OPHN1: variants seen among roughly 807,000 people sequenced by gnomAD.
OPHN1 encodes oligophrenin 1, also known as oligophrenin-1.
Under a neutral mutation model 60.7 loss-of-function variants are expected in OPHN1, and 11 were observed. The observed-to-expected ratio is 0.18, with a 90% CI of 0.11 to 0.30. OPHN1 has a LOEUF of 0.30. Among genes scored for constraint, OPHN1 ranks in the 10% least tolerant of loss-of-function variants. The pLI is 1.00. For synonymous variants in OPHN1, 226 were observed against 222.6 expected, an observed-to-expected ratio of 1.02 and a Z score of -0.14; for missense variants, 449 against 611.0, an observed-to-expected ratio of 0.73 and a Z score of 2.80.
At chrX:68,084,503 T>C (rs1453501051) in intron 19 of OPHN1, among the ~76,000 whole-genome samples, 2 of 110,203 alleles carry the variant, frequency 1.8e-5, no homozygotes, top group East Asian at 5.8e-4. Context: ...AGCAGTTACA[T>C]GCTATGCAAA....
intron 2 of OPHN1, among the ~76,000 whole-genome samples, chrX:68,380,496 T>G (rs1324546428): frequency 5.4e-5 from 6 of 111,417 alleles, no homozygotes; most frequent in Non-Finnish European, 1.1e-4. Context: ...TGCTCTTGCT[T>G]TTCTAGTTCT....
intron 2 of OPHN1, among the ~76,000 whole-genome samples, chrX:68,413,144 T>C (rs958987918): frequency 9.0e-6 from 1 of 111,551 alleles, no homozygotes; most frequent in Non-Finnish European, 1.9e-5. Flanking sequence ...TCAGGCCCAG[T>C]ATGCAATAGA....
At chrX:68,174,533 G>A (rs1456543765) in intron 15 of OPHN1, among the ~76,000 whole-genome samples, 13 of 94,380 alleles carry the variant, frequency 1.4e-4, no homozygotes, top group Non-Finnish European at 2.0e-5. Flanking sequence ...GTGCAGTGGT[G>A]CAATCGCAGC....
chrX:68,042,576 T>G lies in OPHN1; in HGVS notation c.*4596A>C, dbSNP rs1267130948. 1 of 108,593 alleles carries G rather than the reference T, an allele frequency of 9.2e-6. No individual in the cohort carries two copies. Among genetic ancestry groups the G allele is most frequent in the Non-Finnish European group, 1.9e-5 (1 of 52,291 alleles). 8.9% of individuals were successfully genotyped at this position (108,593 alleles called of 1,213,427 possible). On this transcript the variant is annotated 3_prime_UTR_variant, in exon 25 of 25. Coordinates refer to ENST00000355520, the MANE Select transcript of OPHN1 (RefSeq NM_002547.3). Reference sequence around the variant, plus strand: ...CTTCGCGAAGGACATGAACAGACACTTCTCAAAAGAAGACATTTATGCAGC... The same window carrying G: ...CTTCGCGAAGGACATGAACAGACACGTCTCAAAAGAAGACATTTATGCAGC...
At chrX:68,100,191 T>C (rs191748649) in intron 18 of OPHN1, among the ~76,000 whole-genome samples, 46 of 111,089 alleles carry the variant, frequency 4.1e-4, no homozygotes, top group African/African-American at 1.5e-3. Context: ...ACACACTGTG[T>C]GTCCCCTGTT....
chrX:68,342,169 G>A, intron 2 of OPHN1, among the ~76,000 whole-genome samples: 1 of 109,238 alleles, frequency 9.2e-6, no homozygotes, highest in Non-Finnish European at 1.9e-5. Flanking sequence ...AGGGGTTTCA[G>A]CATGTTACCC....
intron 2 of OPHN1, among the ~76,000 whole-genome samples, chrX:68,379,130 C>T (rs915204253): frequency 9.0e-6 from 1 of 110,869 alleles, no homozygotes; most frequent in Non-Finnish European, 1.9e-5. Flanking sequence ...TTGTAGTTCT[C>T]CTTGAAGAGG....
At chrX:68,189,242 CACA>C (rs1417328633) in intron 15 of OPHN1, among the ~76,000 whole-genome samples, 3 of 111,854 alleles carry the variant, frequency 2.7e-5, no homozygotes, top group African/African-American at 9.8e-5. Flanking sequence ...GTCTCTGGAG[CACA>C]ACATGATTAT....
intron 15 of OPHN1, among the ~76,000 whole-genome samples, chrX:68,123,953 A>AT (rs2077159644): frequency 4.5e-4 from 1 of 2,202 alleles, no homozygotes; most frequent in Non-Finnish European, 6.0e-3. Flanking sequence ...AGCTGAATGG[A>AT]TAAAAAAAAA....
At chrX:68,397,108 T>C (rs760094721) in intron 2 of OPHN1, among the ~76,000 whole-genome samples, 1 of 112,329 alleles carries the variant, frequency 8.9e-6, no homozygotes, top group African/African-American at 3.2e-5. Context: ...TGGAACACCC[T>C]CCACCCTCCA....
chrX:68,191,079 T>A (rs2077486019), intron 15 of OPHN1, among the ~76,000 whole-genome samples: 2 of 111,794 alleles, frequency 1.8e-5, no homozygotes, highest in Non-Finnish European at 3.8e-5. Flanking sequence ...AAAAAATATG[T>A]ATTTTATCCA....
At chrX:68,065,311 T>G in intron 20 of OPHN1, among the ~76,000 whole-genome samples, 1 of 111,204 alleles carries the variant, frequency 9.0e-6, no homozygotes, top group Middle Eastern at 4.6e-3. Context: ...GGAATCACTG[T>G]TTTGTTTTAT....
chrX:68,208,358 G>A (rs1360031762), intron 9 of OPHN1, among the ~76,000 whole-genome samples: 2 of 111,499 alleles, frequency 1.8e-5, no homozygotes, highest in Admixed American at 9.6e-5. Flanking sequence ...CCAAAGTGCT[G>A]GGATTACAGG....
intron 3 of OPHN1, among the ~76,000 whole-genome samples, chrX:68,285,767 T>C (rs1402132189): frequency 9.0e-6 from 1 of 110,726 alleles, no homozygotes; most frequent in Non-Finnish European, 1.9e-5. Context: ...AATTTGCTGG[T>C]CATTTATTTT....
intron 3 of OPHN1, among the ~76,000 whole-genome samples, chrX:68,293,652 G>T: frequency 8.9e-6 from 1 of 111,784 alleles, no homozygotes; most frequent in Non-Finnish European, 1.9e-5. Flanking sequence ...ATGCTATCAG[G>T]GTTCACCTAA....
chrX:68,304,067 A>C (rs909577224), intron 2 of OPHN1, among the ~76,000 whole-genome samples: 2 of 111,933 alleles, frequency 1.8e-5, no homozygotes, highest in African/African-American at 6.5e-5. Flanking sequence ...AATAGTTAGA[A>C]AACAGGATTT....
chrX:68,405,012 TAAC>T (rs749948728), intron 2 of OPHN1, among the ~76,000 whole-genome samples: 1 of 112,305 alleles, frequency 8.9e-6, no homozygotes, highest in East Asian at 2.8e-4. Flanking sequence ...TAAATCTACT[TAAC>T]ACTACTGAAC....
Position 68,289,574 on chromosome X carries a change from T to G in OPHN1, c.251-6457A>C, listed in dbSNP as rs1036539844. On this transcript the variant is annotated intron_variant, in intron 3 of 24. Coordinates refer to ENST00000355520, the MANE Select transcript of OPHN1 (RefSeq NM_002547.3). ...TACCTAAAACCTAATCATGGCATGG[T>G]CATGGTGGAAAATACCTGTAATCTC... Among the ~76,000 whole-genome samples the G allele has an allele frequency of 2.7e-5, 3 of 112,006 alleles. No homozygotes were observed. The Admixed American group carries it at 2.8e-4, about 11-fold the overall frequency.
chrX:68,128,203 C>T (rs1017641446), intron 15 of OPHN1, among the ~76,000 whole-genome samples: 6 of 109,976 alleles, frequency 5.5e-5, no homozygotes, highest in African/African-American at 2.0e-4. Context: ...GCCCGCACCA[C>T]CATGCCCAGC....
Sources: allele counts gnomAD v4.1 joint callset (sites outside exome capture counted in the v4.1 genomes callset), GRCh38; gene constraint gnomAD v4.1.1; transcripts MANE v1.5; gene names NCBI Gene and HGNC (gene_info 2026-07-23, HGNC 2026-07-21).